The following FCHO2 variants were observed in gnomAD, a reference collection of about 807,000 sequenced individuals.
FCHO2 encodes FCH and mu domain containing endocytic adaptor 2, also known as F-BAR domain only protein 2.
Under a neutral mutation model 114.1 loss-of-function variants are expected in FCHO2, and 43 were observed. The observed-to-expected ratio is 0.38, with a 90% CI of 0.30 to 0.49. The LOEUF (loss-of-function observed/expected upper bound fraction) is 0.49, where lower values mean the gene tolerates loss of function less well. Among genes scored for constraint, FCHO2 ranks in the 20% least tolerant of loss-of-function variants. FCHO2 has a pLI of 0.97. For synonymous variants in FCHO2, 293 were observed against 315.2 expected (o/e 0.93, Z 0.75); for missense variants, 807 against 950.4 (o/e 0.85, Z 1.98).
chr5:73,047,823 GTATTTT>G (rs1757130036), intron 11 of FCHO2, among the ~76,000 whole-genome samples: 1 of 151,914 alleles, frequency 6.6e-6, no homozygotes, highest in Non-Finnish European at 1.5e-5. Flanking sequence ...CATGTTTTGT[GTATTTT>G]TATTTTTTAT....
Position 73,034,708 on chromosome 5 carries a change from T to G in FCHO2, c.841+7T>G. On this transcript the variant is annotated splice_region_variant and intron_variant, in intron 9 of 25. Coordinates refer to ENST00000430046, the MANE Select transcript of FCHO2 (RefSeq NM_138782.3). ...ACTGCTAGTGCAGTTGAAGGTAAGT[T>G]GATTAGTTATAATATGTTAATGCAC... 6.3e-7 allele frequency: 1 copy of G among 1,590,914 alleles called. No individual in the cohort carries two copies. Among genetic ancestry groups the G allele is most frequent in the South Asian group, 1.2e-5 (1 of 85,396 alleles).
At chr5:73,006,617 C>T (rs1337916591) in intron 6 of FCHO2, 68 bp downstream of exon 6, 12 of 1,083,834 alleles carry the variant, frequency 1.1e-5, no homozygotes, top group Non-Finnish European at 1.5e-5. Context: ...TAATTTTTCT[C>T]TCATATAATT....
At chr5:72,961,894 C>A (rs1386022266) in intron 1 of FCHO2, among the ~76,000 whole-genome samples, 1 of 152,084 alleles carries the variant, frequency 6.6e-6, no homozygotes, top group Admixed American at 6.6e-5. Flanking sequence ...CCCGGCTTCA[C>A]CATTACCAAT....
chr5:73,088,431 A>C lies in FCHO2; in HGVS notation c.*341A>C, dbSNP rs538091219. On this transcript the variant is annotated 3_prime_UTR_variant, in exon 26 of 26. Transcript: ENST00000430046. ...GTAATATCAGGCCTAAAGTTTCAGA[A>C]GAGCAAGCACAAAGTAATTTAGCTT... 1 of 219,918 alleles carries C rather than the reference A, an allele frequency of 4.5e-6. No individual in the cohort carries two copies. Among genetic ancestry groups the C allele is most frequent in the Non-Finnish European group, 9.1e-6 (1 of 110,030 alleles). 13.6% of individuals were successfully genotyped at this position (219,918 alleles called of 1,614,324 possible).
intron 16 of FCHO2, 76 bp from the exon 17 acceptor site, chr5:73,058,356 TA>T: frequency 1.9e-6 from 2 of 1,049,086 alleles, no homozygotes; most frequent in Non-Finnish European, 2.7e-6. Context: ...TTCTATGAAA[TA>T]AAAATAAGTG....
intron 8 of FCHO2, among the ~76,000 whole-genome samples, chr5:73,029,320 G>A (rs571426783): frequency 1.2e-4 from 18 of 152,280 alleles, no homozygotes; most frequent in Non-Finnish European, 1.5e-4. Context: ...CAGGATCATG[G>A]AAGATGAAAA....
chr5:72,977,980 C>G (rs548398430), intron 2 of FCHO2, among the ~76,000 whole-genome samples: 2 of 152,178 alleles, frequency 1.3e-5, no homozygotes, highest in African/African-American at 4.8e-5. Context: ...TGGTCTATAT[C>G]TCTGTTTTGG....
At chr5:73,005,198 A>G (rs551933676) in intron 5 of FCHO2, among the ~76,000 whole-genome samples, 3 of 152,308 alleles carry the variant, frequency 2.0e-5, no homozygotes, top group East Asian at 1.9e-4. Context: ...GAGTAGGACT[A>G]TATGTACCTC....
chr5:73,011,721 G>A (rs751495091), intron 6 of FCHO2, among the ~76,000 whole-genome samples: 5 of 152,052 alleles, frequency 3.3e-5, no homozygotes, highest in African/African-American at 4.8e-5. Context: ...GACCAGCCTG[G>A]CCAACATGAT....
chr5:73,067,743 A>C (rs986476606), intron 18 of FCHO2, among the ~76,000 whole-genome samples: 1 of 151,904 alleles, frequency 6.6e-6, no homozygotes, highest in Non-Finnish European at 1.5e-5. Context: ...ATATTTGCCT[A>C]ATACTTTTAT....
At chr5:73,004,676 A>G (rs1188073079) in intron 5 of FCHO2, among the ~76,000 whole-genome samples, 1 of 152,126 alleles carries the variant, frequency 6.6e-6, no homozygotes. Context: ...GTAATGAGAG[A>G]ACTGTATAAA....
chr5:73,056,819 G>T (rs1042206565), intron 16 of FCHO2, among the ~76,000 whole-genome samples: 4 of 151,972 alleles, frequency 2.6e-5, no homozygotes, highest in Non-Finnish European at 5.9e-5. Flanking sequence ...AAAAAGAAGT[G>T]TGTCAAGTTG....
intron 5 of FCHO2, among the ~76,000 whole-genome samples, chr5:73,000,471 TAAA>T (rs759939269): frequency 5.8e-4 from 43 of 74,416 alleles, no homozygotes; most frequent in Middle Eastern, 0.012. Context: ...AACTCAGTCT[TAAA>T]AAAAAAAAAA....
At chr5:73,064,251 C>T (rs115594315) in intron 18 of FCHO2, among the ~76,000 whole-genome samples, 1,652 of 152,104 alleles carry the variant, frequency 0.011, 26 homozygotes, top group Middle Eastern at 0.037. Context: ...TACTTAAAGT[C>T]AAATGTTAAG....
intron 17 of FCHO2, among the ~76,000 whole-genome samples, chr5:73,058,924 C>T (rs1160372555): frequency 6.6e-6 from 1 of 152,090 alleles, no homozygotes; most frequent in Non-Finnish European, 1.5e-5. Flanking sequence ...GCATATGTCT[C>T]ATAATATGCT....
At position 73,058,414 on chromosome 5, in the gene FCHO2, T is replaced by G; in HGVS notation, c.1254-19T>G. The G allele has an allele frequency of 6.6e-7, 1 of 1,509,636 alleles. No homozygotes were observed. Among genetic ancestry groups the G allele is most frequent in the Non-Finnish European group, 8.9e-7 (1 of 1,129,384 alleles). The allele number at this position is 1,509,636 out of a possible 1,614,324, so 93.5% of individuals were successfully genotyped here. A position where few individuals can be genotyped will look rare whatever the true frequency, so the allele number is the denominator to read the frequency against. On this transcript the variant is annotated intron_variant, in intron 16 of 25. Transcript: ENST00000430046. The stretch of plus-strand genomic sequence containing the variant: ...AAATATTCTCGTTAAAATTTTTGCT[T>G]TTAAAAATATTATGGTAGAAAAGGA...
chr5:72,998,074 G>A (rs1754224074), intron 5 of FCHO2, among the ~76,000 whole-genome samples: 1 of 152,090 alleles, frequency 6.6e-6, no homozygotes, highest in Non-Finnish European at 1.5e-5. Flanking sequence ...TTATATACAG[G>A]TAAAGTATTA....
chr5:73,055,094 A>T (rs1024499611), intron 15 of FCHO2: 6 of 382,700 alleles, frequency 1.6e-5, no homozygotes, highest in African/African-American at 1.2e-4. Context: ...CTTTAACATC[A>T]GTTTTATTAA....
At chr5:73,013,741 C>T (rs1755149550) in intron 6 of FCHO2, among the ~76,000 whole-genome samples, 1 of 152,166 alleles carries the variant, frequency 6.6e-6, no homozygotes, top group Admixed American at 6.5e-5. Context: ...GATCTTGGCT[C>T]ACTGCAATCT....
Sources: gnomAD v4.1 joint callset for allele counts (sites outside exome capture counted in the v4.1 genomes callset) on GRCh38, gnomAD v4.1.1 for gene constraint, MANE v1.5 for transcripts, NCBI Gene and HGNC (gene_info 2026-07-23, HGNC 2026-07-21) for gene names.